The following PCDHGA1 variants were observed in gnomAD, a reference collection of about 807,000 sequenced individuals.
The protein encoded by PCDHGA1 is protocadherin gamma subfamily A, 1.
PCDHGA1 carries 32 observed loss-of-function variants against 58.0 expected under a neutral mutation model. The ratio of observed to expected loss-of-function variants is 0.55; its 90% CI spans 0.42 to 0.74. The LOEUF is 0.74. Ranked by LOEUF, PCDHGA1 falls within the 30% of genes least tolerant of loss-of-function variation. The probability of loss-of-function intolerance (pLI) is 0.00; values close to 1 mark genes in which losing one functional copy is unlikely to be tolerated. For missense variants in PCDHGA1, 1,205 were observed against 1,182.3 expected, an observed-to-expected ratio of 1.02 and a Z score of -0.28; for synonymous variants, 498 against 501.1, an observed-to-expected ratio of 0.99 and a Z score of 0.08.
intron 1 of PCDHGA1, among the ~76,000 whole-genome samples, chr5:141,425,841 C>T (rs936781561): frequency 2.0e-5 from 3 of 152,190 alleles, no homozygotes; most frequent in African/African-American, 7.2e-5. Context: ...ATTCTCTTTG[C>T]TGGGTTAATG....
intron 1 of PCDHGA1, among the ~76,000 whole-genome samples, chr5:141,406,024 G>A (rs2094747494): frequency 6.6e-6 from 1 of 151,462 alleles, no homozygotes; most frequent in Admixed American, 6.6e-5. Flanking sequence ...TTTTTGGGTA[G>A]GGTTGCTTCA....
At position 141,490,044 on chromosome 5, in the gene PCDHGA1, T is replaced by C; in HGVS notation, c.2422-4763T>C. The C allele has an allele frequency of 1.2e-6, 2 of 1,614,192 alleles. No individual in the cohort carries two copies. Among genetic ancestry groups the C allele is most frequent in the Non-Finnish European group, 1.7e-6 (2 of 1,180,024 alleles). The stretch of plus-strand genomic sequence containing the variant: ...TGCTGCTCCGCCTCAATGCCACTGA[T>C]CCAGACGAGGGCACCAACGGCCAAC... On this transcript the variant is annotated intron_variant, in intron 1 of 3. Transcript: ENST00000517417. The surrounding 1 kb of genome is among the most constrained non-coding windows in gnomAD (Gnocchi z 5.4).
At chr5:141,346,115 G>T in intron 1 of PCDHGA1, 1 of 1,613,926 alleles carries the variant, frequency 6.2e-7, no homozygotes, top group Non-Finnish European at 8.5e-7. Context: ...TGTACCTGGT[G>T]GTGGCGGTGG....
At chr5:141,469,543 C>T (rs1031152008) in intron 1 of PCDHGA1, among the ~76,000 whole-genome samples, 1 of 152,040 alleles carries the variant, frequency 6.6e-6, no homozygotes, top group Non-Finnish European at 1.5e-5. Context: ...CCACTGCACT[C>T]CAGCCTGGCG....
rs1184415258 is a variant in PCDHGA1, at chr5:141,332,032, C to A, written c.1348C>A (p.Pro450Thr). Reference protein sequence around the residue: ...LLVTDINDNSPVFHQDSYSAY... With the variant: ...LLVTDINDNSTVFHQDSYSAY... ...AGTGACAGATATCAATGACAACTCC[C>A]CAGTCTTCCATCAGGACTCCTACTC... is the stretch of plus-strand genomic sequence containing the variant. The change falls in exon 1 of 4, where the codon CCA (proline) becomes ACA (threonine). Residue 450 changes from proline to threonine, a missense_variant. Coordinates refer to ENST00000517417, the MANE Select transcript of PCDHGA1 (RefSeq NM_018912.3). This position sits in a 1 kb window ranked among gnomAD's most constrained non-coding sequence, Gnocchi z 4.6. 1.4e-5 allele frequency: 22 copies of A among 1,614,032 alleles called. No homozygotes were observed. The highest frequency in any genetic ancestry group is 1.8e-5 in the Non-Finnish European group (21 of 1,180,034).
chr5:141,464,260 G>A (rs546781463), intron 1 of PCDHGA1, among the ~76,000 whole-genome samples: 1 of 131,668 alleles, frequency 7.6e-6, no homozygotes, highest in Non-Finnish European at 1.6e-5. Flanking sequence ...GCGAGACTCC[G>A]TCTAAAAAAA....
At chr5:141,471,309 C>T (rs140651182) in intron 1 of PCDHGA1, 8,212 of 152,202 alleles carry the variant, frequency 0.054, 462 homozygotes, top group African/African-American at 0.15. Flanking sequence ...ACTCGGCCTC[C>T]CAAAGTGCTG....
chr5:141,371,362 A>G (rs1767701466), intron 1 of PCDHGA1: 1 of 1,614,014 alleles, frequency 6.2e-7, no homozygotes, highest in Non-Finnish European at 8.5e-7. Context: ...GAAGCAAAGG[A>G]TGGTGGACAT....
At chr5:141,358,578 A>C (rs1241957472) in intron 1 of PCDHGA1, among the ~76,000 whole-genome samples, 4 of 152,212 alleles carry the variant, frequency 2.6e-5, no homozygotes, top group Non-Finnish European at 4.4e-5. Context: ...ACTATGTGTG[A>C]TTCCTCTGGT....
intron 1 of PCDHGA1, among the ~76,000 whole-genome samples, chr5:141,456,882 G>A (rs1039329600): frequency 6.6e-6 from 1 of 152,156 alleles, no homozygotes; most frequent in Non-Finnish European, 1.5e-5. Context: ...AGAATCGCTT[G>A]AACCCGGGAG....
intron 1 of PCDHGA1, among the ~76,000 whole-genome samples, chr5:141,362,942 A>T (rs141459764): frequency 6.6e-6 from 1 of 152,354 alleles, no homozygotes; most frequent in African/African-American, 2.4e-5. Context: ...TCATTTTAGT[A>T]GGCTTTGGAA....
At chr5:141,435,306 T>C (rs2154556603) in intron 1 of PCDHGA1, among the ~76,000 whole-genome samples, 1 of 152,358 alleles carries the variant, frequency 6.6e-6, no homozygotes, top group East Asian at 1.9e-4. Flanking sequence ...TGGTTTTAAA[T>C]CATTCATGAA....
chr5:141,443,385 T>G (rs2098386152), intron 1 of PCDHGA1, among the ~76,000 whole-genome samples: 2 of 151,940 alleles, frequency 1.3e-5, no homozygotes, highest in African/African-American at 4.8e-5. Flanking sequence ...CTTGGGAGGC[T>G]GAGGTGTGAG....
chr5:141,403,581 T>C (rs2094427540), intron 1 of PCDHGA1: 8 of 1,613,936 alleles, frequency 5.0e-6, no homozygotes, highest in Non-Finnish European at 6.8e-6. Flanking sequence ...GCCCACCACC[T>C]GGTCCTCACG....
rs1276134508 is a variant in PCDHGA1, at chr5:141,344,995, C to T, written c.2421+11890C>T. 45 of 1,613,792 alleles carry T rather than the reference C, an allele frequency of 2.8e-5. No homozygotes were observed. The highest frequency in any genetic ancestry group is 3.6e-5 in the Non-Finnish European group (42 of 1,179,862). ...ATGTTCTATGAAATTAAAATTGAAG[C>T]ACAGGATGGACCAGGTCTTCTTTCA... On this transcript the variant is annotated intron_variant, in intron 1 of 3. Transcript: ENST00000517417.
chr5:141,405,856 C>T (rs1340012897), intron 1 of PCDHGA1, among the ~76,000 whole-genome samples: 1 of 152,096 alleles, frequency 6.6e-6, no homozygotes, highest in Non-Finnish European at 1.5e-5. Flanking sequence ...GTGTGTTTCT[C>T]ATCACTTTTC....
chr5:141,427,568 T>A (rs1260622772), intron 1 of PCDHGA1: 1 of 660,576 alleles, frequency 1.5e-6, no homozygotes, highest in Admixed American at 2.1e-5. Flanking sequence ...AGGGCAAGCC[T>A]CCGCTCTCAT....
chr5:141,456,835 C>T (rs1261094365), intron 1 of PCDHGA1, among the ~76,000 whole-genome samples: 3 of 152,000 alleles, frequency 2.0e-5, no homozygotes, highest in African/African-American at 4.8e-5. Flanking sequence ...TGGTAGTGGG[C>T]GCCTGTAATC....
chr5:141,397,172 G>C (rs1407642752), intron 1 of PCDHGA1, among the ~76,000 whole-genome samples: 3 of 152,128 alleles, frequency 2.0e-5, no homozygotes, highest in Non-Finnish European at 2.9e-5. Flanking sequence ...TAACTCTTAA[G>C]AATGAATTTA....
Sources: gnomAD v4.1 joint callset for allele counts (sites outside exome capture counted in the v4.1 genomes callset) on GRCh38, gnomAD v4.1.1 for gene constraint, Gnocchi (gnomAD v3.1) non-coding constraint, MANE v1.5 for transcripts, NCBI Gene and HGNC (gene_info 2026-07-23, HGNC 2026-07-21) for gene names.